The following IQCK variants were observed in gnomAD, a reference collection of about 807,000 sequenced individuals.
IQCK encodes IQ motif containing K, also known as IQ domain-containing protein K.
A neutral mutation model predicts 28.1 loss-of-function variants in IQCK; 29 were observed. That is an observed-to-expected ratio of 1.03 (90% CI 0.77 to 1.41). The LOEUF is 1.41. Ranked by LOEUF, IQCK falls within the 40% of genes most tolerant of loss-of-function variation. The pLI, the probability that IQCK is intolerant of heterozygous loss-of-function variation, is 0.00. For synonymous variants in IQCK, 113 were observed against 115.1 expected, an observed-to-expected ratio of 0.98 and a Z score of 0.12; for missense variants, 359 against 314.7, an observed-to-expected ratio of 1.14 and a Z score of -1.07.
At chr16:19,850,400 A>G (rs2056467982) in intron 9 of IQCK, among the ~76,000 whole-genome samples, 2 of 152,198 alleles carry the variant, frequency 1.3e-5, no homozygotes, top group Admixed American at 6.5e-5. Context: ...GTATGTGTCA[A>G]GGGCTTCATA....
At chr16:19,851,421 G>A (rs996590171) in intron 9 of IQCK, among the ~76,000 whole-genome samples, 8 of 152,086 alleles carry the variant, frequency 5.3e-5, no homozygotes, top group African/African-American at 1.4e-4. Flanking sequence ...ATGAGTGGCC[G>A]GATGACCCTG....
At chr16:19,853,922 C>T (rs1457385781) in intron 9 of IQCK, among the ~76,000 whole-genome samples, 1 of 152,188 alleles carries the variant, frequency 6.6e-6, no homozygotes, top group Non-Finnish European at 1.5e-5. Context: ...GCCACTGTGC[C>T]CAGCCTGTCT....
At chr16:19,731,397 A>G (rs568474718) in intron 2 of IQCK, among the ~76,000 whole-genome samples, 1 of 152,352 alleles carries the variant, frequency 6.6e-6, no homozygotes, top group East Asian at 1.9e-4. Flanking sequence ...AACTTCCATC[A>G]CTGCAGCTGC....
At position 19,793,656 on chromosome 16, in the gene IQCK, T is replaced by G. The variant is rs536053975; in HGVS notation, c.690+4734T>G. ...AATCTCAGTTGGGTTTTTTTTTTTT[T>G]TTTTTTTTTTTTTTTTTGTGAAATT... On this transcript the variant is annotated intron_variant, in intron 7 of 7. Coordinates refer to ENST00000564186, the Ensembl canonical transcript of IQCK. Among the ~76,000 whole-genome samples, 658 of 130,148 alleles carry G rather than the reference T, an allele frequency of 5.1e-3. 69 individuals carry two copies. Among genetic ancestry groups the G allele is most frequent in the African/African-American group, 0.022 (639 of 29,140 alleles). The allele number at this position is 130,148 out of a possible 152,430, so 85.4% of individuals were successfully genotyped here. A position where few individuals can be genotyped will look rare whatever the true frequency, so the allele number is the denominator to read the frequency against.
chr16:19,835,160 G>C (rs2141103076), intron 9 of IQCK, among the ~76,000 whole-genome samples: 1 of 152,176 alleles, frequency 6.6e-6, no homozygotes, highest in South Asian at 2.1e-4. Context: ...CCAGCTACTT[G>C]GAAGGCTGAG....
intron 6 of IQCK, among the ~76,000 whole-genome samples, chr16:19,772,381 C>G (rs2055331120): frequency 6.6e-6 from 1 of 150,660 alleles, no homozygotes; most frequent in Admixed American, 6.6e-5. Flanking sequence ...AATTGGATCC[C>G]AATTCAAAAA....
intron 6 of IQCK, among the ~76,000 whole-genome samples, chr16:19,780,340 C>T (rs2055462052): frequency 6.6e-6 from 1 of 152,090 alleles, no homozygotes; most frequent in African/African-American, 2.4e-5. Context: ...CTGTGCCCAG[C>T]CAAAAATTTA....
In IQCK at chr16:19,779,690, T is replaced by A. The variant is rs540220319; in HGVS notation, c.606-9148T>A. ...TTTTTTTAAATCACAAGTATTTTTT[T>A]AATTTTTACTTATTTATTTATTTTA... On this transcript the variant is annotated intron_variant, in intron 6 of 7. Coordinates refer to ENST00000564186, the Ensembl canonical transcript of IQCK. Among the ~76,000 whole-genome samples the A allele has an allele frequency of 8.6e-5, 13 of 151,764 alleles. 1 individual carries two copies. In the South Asian group the frequency reaches 2.3e-3, roughly 27 times the overall value.
intron 4 of IQCK, among the ~76,000 whole-genome samples, chr16:19,756,051 T>G (rs7195053): frequency 0.34 from 52,110 of 152,042 alleles, 13,964 homozygotes; most frequent in African/African-American, 0.75. Flanking sequence ...GGGCCTGGTG[T>G]TGCATACCTG....
At chr16:19,766,354 G>T (rs938901365) in intron 6 of IQCK, among the ~76,000 whole-genome samples, 3 of 152,234 alleles carry the variant, frequency 2.0e-5, no homozygotes, top group African/African-American at 7.2e-5. Context: ...TTAAAGGGAA[G>T]TGGGGAAGCA....
chr16:19,734,200 T>TA (rs979220885), intron 3 of IQCK, among the ~76,000 whole-genome samples: 10 of 149,622 alleles, frequency 6.7e-5, no homozygotes, highest in Admixed American at 1.3e-4. Context: ...ACAAAAAATT[T>TA]AAAAAAAAAA....
At chr16:19,746,639 A>G (rs2054916976) in intron 4 of IQCK, among the ~76,000 whole-genome samples, 2 of 152,182 alleles carry the variant, frequency 1.3e-5, no homozygotes, top group African/African-American at 2.4e-5. Flanking sequence ...TCATTTCCCA[A>G]ACTTGGCTAC....
chr16:19,734,166 G>A (rs191955853), intron 3 of IQCK: 221 of 185,640 alleles, frequency 1.2e-3, no homozygotes, highest in Non-Finnish European at 1.2e-3. Context: ...CTTGAGCCCA[G>A]GGAGACCCCA....
chr16:19,828,202 G>A (rs572232613), downstream of IQCK, among the ~76,000 whole-genome samples: 2 of 149,438 alleles, frequency 1.3e-5, no homozygotes, highest in East Asian at 4.0e-4. Flanking sequence ...ATGAGCCAGC[G>A]CGCCTGGCTG....
intron 6 of IQCK, among the ~76,000 whole-genome samples, chr16:19,765,744 G>T (rs1229653394): frequency 6.6e-6 from 1 of 151,880 alleles, no homozygotes; most frequent in Admixed American, 6.6e-5. Context: ...TTCTTATTTA[G>T]CTTTCAAACC....
chr16:19,806,742 C>A (rs1183626948), intron 7 of IQCK, among the ~76,000 whole-genome samples: 1 of 122,684 alleles, frequency 8.2e-6, no homozygotes, highest in Admixed American at 1.2e-4. Context: ...AAGCAGTGAG[C>A]TAGAGGTGAA....
chr16:19,754,765 T>C (rs1164382590), intron 4 of IQCK, among the ~76,000 whole-genome samples: 1 of 152,184 alleles, frequency 6.6e-6, no homozygotes. Context: ...GGGAAGAAAC[T>C]CTATTTCCTG....
chr16:19,832,823 G>A (rs1329885818), intron 9 of IQCK, among the ~76,000 whole-genome samples: 5 of 152,046 alleles, frequency 3.3e-5, no homozygotes, highest in South Asian at 4.1e-4. Context: ...CTTATATGGC[G>A]GCAGGAGAGA....
intron 1 of IQCK, among the ~76,000 whole-genome samples, chr16:19,721,801 C>CA (rs1422685786): frequency 6.6e-6 from 1 of 152,154 alleles, no homozygotes; most frequent in Admixed American, 6.5e-5. Flanking sequence ...TGGTCTCAAA[C>CA]ACCTGACCTC....
Sources: gnomAD v4.1 joint callset for allele counts (sites outside exome capture counted in the v4.1 genomes callset) on GRCh38, gnomAD v4.1.1 for gene constraint, MANE v1.5 for transcripts, NCBI Gene and HGNC (gene_info 2026-07-23, HGNC 2026-07-21) for gene names.